CSMD1: variants seen among roughly 807,000 people sequenced by gnomAD.
CSMD1 encodes CUB and Sushi multiple domains 1.
Under a neutral mutation model 417.5 loss-of-function variants are expected in CSMD1, and 213 were observed. The observed-to-expected ratio is 0.51, with a 90% CI of 0.46 to 0.57. The LOEUF is 0.57. Ranked by LOEUF, CSMD1 falls within the 20% of genes least tolerant of loss-of-function variation. The pLI, the probability that CSMD1 is intolerant of heterozygous loss-of-function variation, is 0.00. For missense variants in CSMD1, 6,923 were observed against 4,529.7 expected (o/e 1.53, Z -15.17); for synonymous variants, 2,862 against 1,736.8 (o/e 1.65, Z -16.11).
At chr8:3,644,643 A>G (rs1797482975) in intron 7 of CSMD1, among the ~76,000 whole-genome samples, 1 of 152,188 alleles carries the variant, frequency 6.6e-6, no homozygotes, top group Admixed American at 6.5e-5. Context: ...TATTACCTTC[A>G]GTAAAGAGGG....
In CSMD1 at chr8:3,712,162, TACG is replaced by T. The variant is rs1164980892; in HGVS notation, c.932-3674_932-3672del. On this transcript the variant is annotated intron_variant, in intron 6 of 69. Coordinates refer to ENST00000635120, the MANE Select transcript of CSMD1 (RefSeq NM_033225.6). ...TGAGTTGTAATTTGTTTCAAGTTACTACGTTCTCTTATTGGACAGCTCTGCTAA... is the reference window on the plus strand; with the variant it reads ...TGAGTTGTAATTTGTTTCAAGTTACTTTCTCTTATTGGACAGCTCTGCTAA... Among the ~76,000 whole-genome samples, 2 of 29,614 alleles carry T rather than the reference TACG, an allele frequency of 6.8e-5. 1 individual carries two copies. The highest frequency in any genetic ancestry group is 2.1e-4 in the African/African-American group (2 of 9,688). The allele number at this position is 29,614 out of a possible 152,430, so 19.4% of individuals were successfully genotyped here. A position where few individuals can be genotyped will look rare whatever the true frequency, so the allele number is the denominator to read the frequency against.
intron 1 of CSMD1, among the ~76,000 whole-genome samples, chr8:4,657,785 C>G (rs1369687244): frequency 6.7e-6 from 1 of 149,880 alleles, no homozygotes; most frequent in Non-Finnish European, 1.5e-5. Flanking sequence ...AGACTTAAAC[C>G]TACTGTTTAA....
chr8:4,788,535 C>A (rs1345846290), intron 1 of CSMD1: 7 of 1,406,600 alleles, frequency 5.0e-6, no homozygotes, highest in South Asian at 1.3e-5. Context: ...ATTTTGAACA[C>A]ATGTATTTCC....
intron 18 of CSMD1, among the ~76,000 whole-genome samples, chr8:3,382,815 T>C (rs913614384): frequency 6.6e-6 from 1 of 151,942 alleles, no homozygotes; most frequent in Admixed American, 6.6e-5. Context: ...ACATCTTTAA[T>C]AGAATAACTT....
chr8:3,254,085 C>A (rs1800468926), intron 26 of CSMD1, among the ~76,000 whole-genome samples: 1 of 152,132 alleles, frequency 6.6e-6, no homozygotes. Context: ...GACAGAATCT[C>A]TCAGCATTTG....
At chr8:4,672,906 A>C (rs931269906) in intron 1 of CSMD1, among the ~76,000 whole-genome samples, 2 of 152,164 alleles carry the variant, frequency 1.3e-5, no homozygotes, top group African/African-American at 4.8e-5. Context: ...GACAACAAAC[A>C]CATTCACAAA....
At chr8:4,403,933 T>G (rs1373654200) in intron 3 of CSMD1, among the ~76,000 whole-genome samples, 1 of 152,168 alleles carries the variant, frequency 6.6e-6, no homozygotes, top group Non-Finnish European at 1.5e-5. Flanking sequence ...TCTTCGCCTT[T>G]TGAAGTGTCC....
At chr8:3,303,431 C>T (rs1804568108) in intron 25 of CSMD1, among the ~76,000 whole-genome samples, 1 of 152,316 alleles carries the variant, frequency 6.6e-6, no homozygotes, top group East Asian at 1.9e-4. Flanking sequence ...CACATGTTAC[C>T]TTTTCTAAAA....
chr8:3,775,350 T>G (rs568615887), intron 5 of CSMD1, among the ~76,000 whole-genome samples: 42 of 152,260 alleles, frequency 2.8e-4, no homozygotes, highest in African/African-American at 1.0e-3. Flanking sequence ...CCTTCACCTC[T>G]GAACCATCTA....
intron 1 of CSMD1, among the ~76,000 whole-genome samples, chr8:4,803,552 G>C (rs143429137): frequency 2.6e-5 from 4 of 152,180 alleles, no homozygotes; most frequent in Non-Finnish European, 4.4e-5. Flanking sequence ...GTAAATCTCA[G>C]CTGTTTTATT....
At chr8:4,418,338 G>C (rs1425587970) in intron 3 of CSMD1, among the ~76,000 whole-genome samples, 1 of 152,004 alleles carries the variant, frequency 6.6e-6, no homozygotes, top group East Asian at 1.9e-4. Flanking sequence ...TTCCAACATA[G>C]ACAATCTTGC....
rs370503571 is a variant in CSMD1, at chr8:4,081,819, A to G, written c.416-49720T>C. Among the ~76,000 whole-genome samples, 26 of 150,960 alleles carry G rather than the reference A, an allele frequency of 1.7e-4. No homozygotes were observed. The East Asian group carries it at 2.9e-3, about 17-fold the overall frequency. Reference sequence around the variant, plus strand: ...TACACAATGGATCAAATAAATTGTTACAAATAAAGTTAAAAAAAGTTGAAA... The same window carrying G: ...TACACAATGGATCAAATAAATTGTTGCAAATAAAGTTAAAAAAAGTTGAAA... On this transcript the variant is annotated intron_variant, in intron 3 of 69. Coordinates refer to ENST00000635120, the MANE Select transcript of CSMD1 (RefSeq NM_033225.6).
intron 3 of CSMD1, among the ~76,000 whole-genome samples, chr8:4,196,091 G>T (rs1395089504): frequency 6.6e-6 from 1 of 152,208 alleles, no homozygotes; most frequent in South Asian, 2.1e-4. Flanking sequence ...GGCGCCTGTA[G>T]TCCCAGCTGC....
intron 3 of CSMD1, among the ~76,000 whole-genome samples, chr8:4,206,729 T>G (rs1449602074): frequency 6.6e-6 from 1 of 152,164 alleles, no homozygotes; most frequent in East Asian, 1.9e-4. Flanking sequence ...CAAATAGTAT[T>G]TCTAGAGGAT....
intron 5 of CSMD1, among the ~76,000 whole-genome samples, chr8:3,775,321 G>A (rs757414478): frequency 6.6e-5 from 10 of 152,186 alleles, no homozygotes; most frequent in Non-Finnish European, 4.4e-5. Flanking sequence ...GTGAAGTTAT[G>A]CAGGCAATGT....
intron 3 of CSMD1, among the ~76,000 whole-genome samples, chr8:4,403,005 G>GT (rs1208902036): frequency 1.1e-4 from 16 of 151,182 alleles, no homozygotes; most frequent in Admixed American, 5.3e-4. Context: ...TGTTGTTGTT[G>GT]TTTTTTTAGT....
At chr8:4,389,155 A>G (rs1317652569) in intron 3 of CSMD1, among the ~76,000 whole-genome samples, 1 of 152,230 alleles carries the variant, frequency 6.6e-6, no homozygotes, top group African/African-American at 2.4e-5. Flanking sequence ...GCTTTTCATT[A>G]ATTTAAAACA....
Position 4,033,859 on chromosome 8 carries a change from G to A in CSMD1, c.416-1760C>T, listed in dbSNP as rs140793414. Among the ~76,000 whole-genome samples, 347 of 152,154 alleles carry A rather than the reference G, an allele frequency of 2.3e-3. 2 individuals carry two copies. The highest frequency in any genetic ancestry group is 7.3e-3 in the African/African-American group (303 of 41,502). ...ATAGAACATGATTTTGAACTGAAACGGTACATCATTCAGTTGAATGGATGA... is the reference window on the plus strand; with the variant it reads ...ATAGAACATGATTTTGAACTGAAACAGTACATCATTCAGTTGAATGGATGA... On this transcript the variant is annotated intron_variant, in intron 3 of 69. Coordinates refer to ENST00000635120, the MANE Select transcript of CSMD1 (RefSeq NM_033225.6).
chr8:4,065,089 G>A (rs557122203), intron 3 of CSMD1, among the ~76,000 whole-genome samples: 50 of 152,270 alleles, frequency 3.3e-4, no homozygotes, highest in Admixed American at 1.4e-3. Context: ...TATAAAAATT[G>A]TGAAGATTTA....
Sources: gnomAD v4.1 joint callset for allele counts (sites outside exome capture counted in the v4.1 genomes callset) on GRCh38, gnomAD v4.1.1 for gene constraint, MANE v1.5 for transcripts, NCBI Gene and HGNC (gene_info 2026-07-23, HGNC 2026-07-21) for gene names.